CDC42BPB: variants seen among roughly 807,000 people sequenced by gnomAD.
CDC42BPB encodes CDC42 binding protein kinase beta, also known as serine/threonine-protein kinase MRCK beta.
Under a neutral mutation model 214.9 loss-of-function variants are expected in CDC42BPB, and 37 were observed. The ratio of observed to expected loss-of-function variants is 0.17; its 90% CI spans 0.13 to 0.23. The LOEUF (loss-of-function observed/expected upper bound fraction) is 0.23, where lower values mean the gene tolerates loss of function less well. CDC42BPB is among the 10% of genes least tolerant of loss of function. CDC42BPB has a pLI of 1.00. For synonymous variants in CDC42BPB, 931 were observed against 884.0 expected (o/e 1.05, Z -0.94); for missense variants, 1,694 against 2,227.0 (o/e 0.76, Z 4.82).
chr14:103,024,877 T>C, intron 1 of CDC42BPB, among the ~76,000 whole-genome samples: 1 of 152,154 alleles, frequency 6.6e-6, no homozygotes, highest in East Asian at 1.9e-4. Flanking sequence ...CTGGGTCCAG[T>C]CTAAATGTTT....
intron 8 of CDC42BPB, among the ~76,000 whole-genome samples, chr14:102,978,737 G>A (rs1292751623): frequency 6.6e-6 from 1 of 152,238 alleles, no homozygotes; most frequent in Non-Finnish European, 1.5e-5. Flanking sequence ...CAGGCACAGT[G>A]GCTCACGCCT....
chr14:103,014,373 G>A (rs994272582), intron 1 of CDC42BPB, among the ~76,000 whole-genome samples: 1 of 152,088 alleles, frequency 6.6e-6, no homozygotes, highest in Non-Finnish European at 1.5e-5. Flanking sequence ...GCCCAAATCT[G>A]CATGTTTTAT....
chr14:103,018,778 T>C (rs1032022289), intron 1 of CDC42BPB, among the ~76,000 whole-genome samples: 1 of 152,202 alleles, frequency 6.6e-6, no homozygotes, highest in African/African-American at 2.4e-5. Flanking sequence ...TGATTTTTCT[T>C]ACAGGACCCT....
chr14:102,964,393 G>A (rs1893097848), intron 19 of CDC42BPB, 109 bp downstream of exon 19: 7 of 1,342,190 alleles, frequency 5.2e-6, no homozygotes, highest in East Asian at 2.4e-5. Flanking sequence ...AGCAAACGCC[G>A]TGGCCCCGAT....
rs1326113803 is a variant in CDC42BPB at position 103,056,980 on chromosome 14, C to A, written c.175+19G>T. 1.4e-6 allele frequency: 2 copies of A among 1,392,062 alleles called. No individual in the cohort carries two copies. Among genetic ancestry groups the A allele is most frequent in the Non-Finnish European group, 9.4e-7 (1 of 1,067,732 alleles). The allele number at this position is 1,392,062 out of a possible 1,614,324, so 86.2% of individuals were successfully genotyped here. On this transcript the variant is annotated intron_variant, in intron 1 of 36. Transcript: ENST00000361246. The stretch of plus-strand genomic sequence containing the variant: ...GGGGTCGCAGAGCCGCAGGTCCGGC[C>A]CTGCCGGCGCGCACTTACCCCACTC...
intron 5 of CDC42BPB, among the ~76,000 whole-genome samples, chr14:102,994,530 G>A (rs1894639715): frequency 6.6e-6 from 1 of 152,194 alleles, no homozygotes; most frequent in Admixed American, 6.5e-5. Context: ...GGTCCCCATG[G>A]GCCACTGTGC....
chr14:102,972,352 G>T, intron 12 of CDC42BPB, 191 bp from the exon 13 acceptor site: 1 of 985,262 alleles, frequency 1.0e-6, no homozygotes, highest in Non-Finnish European at 1.2e-6. Flanking sequence ...GCAATGGGAA[G>T]GCCGCCTGGG....
At chr14:103,056,558 G>C (rs565346795) in intron 1 of CDC42BPB, among the ~76,000 whole-genome samples, 21 of 151,746 alleles carry the variant, frequency 1.4e-4, no homozygotes, top group African/African-American at 5.1e-4. Flanking sequence ...GACCCCAAAG[G>C]CGAGGTGCGG....
In CDC42BPB at chr14:102,971,926, C is replaced by T; in HGVS notation, c.1877G>A (p.Arg626Lys). 6.2e-7 allele frequency: 1 copy of T among 1,614,098 alleles called. No homozygotes were observed. The highest frequency in any genetic ancestry group is 8.5e-7 in the Non-Finnish European group (1 of 1,179,962). Reference protein sequence around the residue: ...RQEMRRAEKLRKELEAQLDDA... With the variant: ...RQEMRRAEKLKKELEAQLDDA... ...AACCATCTCCACAGCTACCTCTTTC[C>T]TGAGCTTCTCAGCTCTCCGCATTTC... The change falls in exon 13 of 37, where the codon AGG becomes AAG. Residue 626 changes from arginine to lysine, a missense_variant. By Grantham distance (26) the Arg-to-Lys change is conservative. Transcript: ENST00000361246.
intron 14 of CDC42BPB, among the ~76,000 whole-genome samples, chr14:102,969,441 AC>A (rs1893372946): frequency 6.6e-6 from 1 of 152,044 alleles, no homozygotes; most frequent in South Asian, 2.1e-4. Flanking sequence ...CAGAGAGGAG[AC>A]TCAAGGGCTG....
chr14:103,020,506 G>A (rs537043347), intron 1 of CDC42BPB, among the ~76,000 whole-genome samples: 7 of 152,362 alleles, frequency 4.6e-5, no homozygotes, highest in South Asian at 2.1e-4. Context: ...CGCGGAGGCC[G>A]AGGGCCAGAG....
Position 102,947,496 on chromosome 14 carries a change from G to C in CDC42BPB, c.3531+225C>G, listed in dbSNP as rs1194962726. Among the ~76,000 whole-genome samples, 5 of 152,288 alleles carry C rather than the reference G, an allele frequency of 3.3e-5. No individual in the cohort carries two copies. In the East Asian group the frequency reaches 9.7e-4, roughly 29 times the overall value. ...TCAGATGTAGGAGAAGGGAGGGTCA[G>C]TGAAGAGGGGTGTCTGGGAAGAAGC... is the stretch of plus-strand genomic sequence containing the variant. On this transcript the variant is annotated intron_variant, in intron 27 of 36. Coordinates refer to ENST00000361246, the MANE Select transcript of CDC42BPB (RefSeq NM_006035.4).
At chr14:103,047,903 C>CAAAAAAAAAAAAA (rs376515642) in intron 1 of CDC42BPB, among the ~76,000 whole-genome samples, 2 of 127,766 alleles carry the variant, frequency 1.6e-5, no homozygotes, top group African/African-American at 6.3e-5. Context: ...ACTCTGTGTC[C>CAAAAAAAAAAAAA]AAAAAAAAAA....
At chr14:103,006,085 C>A (rs532641523) in intron 3 of CDC42BPB, among the ~76,000 whole-genome samples, 1 of 151,740 alleles carries the variant, frequency 6.6e-6, no homozygotes, top group Non-Finnish European at 1.5e-5. Context: ...ACATGACAAG[C>A]GGTCAACATT....
At chr14:102,950,340 C>T in intron 25 of CDC42BPB, 126 bp downstream of exon 25, 1 of 1,285,284 alleles carries the variant, frequency 7.8e-7, no homozygotes, top group South Asian at 1.4e-5. Context: ...GAGGGTAAGC[C>T]CCCTAGGACT....
Position 102,933,528 on chromosome 14 carries a change from T to C in CDC42BPB, c.*184A>G, listed in dbSNP as rs958421736. On this transcript the variant is annotated 3_prime_UTR_variant, in exon 37 of 37. Coordinates refer to ENST00000361246, the MANE Select transcript of CDC42BPB (RefSeq NM_006035.4). ...CAGCTGTGCAGACGAACAGATGTGG[T>C]CTACTGCCACGAACAATGCGGCATA... is the stretch of plus-strand genomic sequence containing the variant. The C allele has an allele frequency of 5.9e-6, 3 of 504,844 alleles. No homozygotes were observed. The highest frequency in any genetic ancestry group is 2.0e-5 in the African/African-American group (1 of 49,522). The allele number at this position is 504,844 out of a possible 1,614,324, so 31.3% of individuals were successfully genotyped here.
intron 11 of CDC42BPB, 128 bp from the exon 12 acceptor site, chr14:102,974,277 T>TTACACACACACAC (rs1893630536): frequency 7.1e-7 from 1 of 1,406,524 alleles, no homozygotes; most frequent in African/African-American, 1.8e-5. Context: ...GAGGTTTTTT[T>TTACACACACACAC]ACTTACACAC....
chr14:102,976,542 G>C (rs1893754261), intron 9 of CDC42BPB, among the ~76,000 whole-genome samples: 1 of 152,246 alleles, frequency 6.6e-6, no homozygotes, highest in Non-Finnish European at 1.5e-5. Flanking sequence ...CCAAGGACCA[G>C]ACCACTCGAT....
intron 34 of CDC42BPB, among the ~76,000 whole-genome samples, chr14:102,939,066 A>G (rs539809551): frequency 1.2e-3 from 179 of 151,988 alleles, no homozygotes; most frequent in African/African-American, 4.2e-3. Context: ...CCTCCCCAGT[A>G]GCTGGGACTA....
Sources: gnomAD v4.1 joint callset for allele counts (sites outside exome capture counted in the v4.1 genomes callset) on GRCh38, gnomAD v4.1.1 for gene constraint, MANE v1.5 for transcripts, NCBI Gene and HGNC (gene_info 2026-07-23, HGNC 2026-07-21) for gene names.